Variants in MCF2 observed in about 807,000 individuals in gnomAD.
The protein encoded by MCF2 is MCF.2 cell line derived transforming sequence, also known as proto-oncogene DBL.
Under a neutral mutation model 82.5 loss-of-function variants are expected in MCF2, and 44 were observed. That is an observed-to-expected ratio of 0.53 (90% CI 0.42 to 0.69). The LOEUF (loss-of-function observed/expected upper bound fraction) is 0.69, where lower values mean the gene tolerates loss of function less well. MCF2 is among the 30% of genes least tolerant of loss of function. The pLI is 0.00. For missense variants in MCF2, 623 were observed against 663.1 expected, an observed-to-expected ratio of 0.94 and a Z score of 0.66; for synonymous variants, 217 against 224.9, an observed-to-expected ratio of 0.96 and a Z score of 0.32.
At chrX:139,623,496 G>A (rs1932559551) in intron 6 of MCF2, among the ~76,000 whole-genome samples, 2 of 111,689 alleles carry the variant, frequency 1.8e-5, no homozygotes, top group Admixed American at 1.9e-4. Context: ...AACACAGTAT[G>A]TTGTCACTTA....
exon 8 of MCF2, chrX:139,617,653 C>T: frequency 8.3e-7 from 1 of 1,202,365 alleles, no homozygotes; most frequent in Non-Finnish European, 1.1e-6. Context: ...TGGTGATTTG[C>T]TGCAAGCTTG....
Position 139,665,897 on chromosome X carries a change from G to GTATATATATATATATA in MCF2, c.-44-14125_-44-14110dup, listed in dbSNP as rs761065038. Among the ~76,000 whole-genome samples, 14 of 68,569 alleles carry GTATATATATATATATA rather than the reference G, an allele frequency of 2.0e-4. 1 individual carries two copies. The highest frequency in any genetic ancestry group is 3.1e-4 in the Non-Finnish European group (12 of 39,030). The allele number at this position is 68,569 out of a possible 115,157, so 59.5% of individuals were successfully genotyped here. ...TTATGGGTACATGGTAGGTGTGTGT[G>GTATATATATATATATA]TATATATATATATATATATATATAT... On this transcript the variant is annotated intron_variant, in intron 1 of 27. Transcript: ENST00000414978.
intron 2 of MCF2, 100 bp from the exon 6 acceptor site, chrX:139,631,611 C>T: frequency 1.9e-6 from 1 of 514,830 alleles, no homozygotes; most frequent in Non-Finnish European, 3.5e-6. Flanking sequence ...AGAAAGTTAC[C>T]TCTGATAAAT....
At chrX:139,640,373 A>G (rs1004211788) in intron 1 of MCF2, among the ~76,000 whole-genome samples, 2 of 111,517 alleles carry the variant, frequency 1.8e-5, no homozygotes, top group African/African-American at 6.5e-5. Flanking sequence ...CAACAGTATG[A>G]GCCACTTCCA....
intron 7 of MCF2, 145 bp from the exon 11 acceptor site, chrX:139,617,849 G>A: frequency 7.8e-6 from 2 of 257,869 alleles, no homozygotes; most frequent in African/African-American, 3.1e-5. Context: ...TCTTCAGGCT[G>A]CAAAAAAAAA....
intron 1 of MCF2, among the ~76,000 whole-genome samples, chrX:139,657,972 A>G (rs1373743654): frequency 8.9e-6 from 1 of 111,768 alleles, no homozygotes; most frequent in African/African-American, 3.3e-5. Flanking sequence ...GCTCTGTGGT[A>G]AAGAAAAGAG....
At chrX:139,637,578 G>C (rs952028202) in intron 1 of MCF2, among the ~76,000 whole-genome samples, 5 of 111,481 alleles carry the variant, frequency 4.5e-5, no homozygotes, top group African/African-American at 1.6e-4. Flanking sequence ...GGAGATTGGA[G>C]AGTTGGACAG....
intron 19 of MCF2, among the ~76,000 whole-genome samples, chrX:139,590,519 T>C (rs1603274168): frequency 1.0e-5 from 1 of 96,678 alleles, no homozygotes; most frequent in South Asian, 4.3e-4. Flanking sequence ...TGTCTTTTTG[T>C]ACCCAGTGAA....
chrX:139,620,849 G>T (rs1932297393), intron 6 of MCF2, among the ~76,000 whole-genome samples: 1 of 111,439 alleles, frequency 9.0e-6, no homozygotes, highest in Non-Finnish European at 1.9e-5. Flanking sequence ...CTTTTTCACA[G>T]AATTAGAAAA....
At chrX:139,646,953 G>T, upstream of MCF2, 1 of 700,206 alleles carries the variant, frequency 1.4e-6, no homozygotes, top group South Asian at 2.8e-5. Flanking sequence ...ATATAACAAC[G>T]AAGCAAGAAG....
At position 139,632,560 on chromosome X, in the gene MCF2, A is replaced by G. The variant is rs959097766; in HGVS notation, c.52-106T>C. 6 of 647,794 alleles carry G rather than the reference A, an allele frequency of 9.3e-6. No homozygotes were observed. In the South Asian group the frequency reaches 2.1e-4, roughly 22 times the overall value. 53.4% of individuals were successfully genotyped at this position (647,794 alleles called of 1,213,427 possible). Reference sequence around the variant, plus strand: ...ACTGAAGGAAACAAATTTTAAATTCATAAAAGCCAGTAAAAGGCCAACACT... The same window carrying G: ...ACTGAAGGAAACAAATTTTAAATTCGTAAAAGCCAGTAAAAGGCCAACACT... On this transcript the variant is annotated intron_variant, in intron 1 of 24. Transcript: ENST00000370576.
intron 6 of MCF2, among the ~76,000 whole-genome samples, chrX:139,625,595 T>C (rs143030387): frequency 0.01 from 1,120 of 111,634 alleles, 12 homozygotes; most frequent in African/African-American, 0.036. Flanking sequence ...GTGAAGTATA[T>C]ACTGTGAGAG....
chrX:139,700,044 T>C (rs1935458600), intron 1 of MCF2, among the ~76,000 whole-genome samples: 1 of 111,330 alleles, frequency 9.0e-6, no homozygotes, highest in African/African-American at 3.3e-5. Context: ...TCTTTCAGAG[T>C]CTGTTTGTGT....
chrX:139,608,049 A>AT (rs1163937038), intron 11 of MCF2, among the ~76,000 whole-genome samples: 1 of 112,120 alleles, frequency 8.9e-6, no homozygotes, highest in Non-Finnish European at 1.9e-5. Context: ...AGGTTGATTC[A>AT]TAAAAAGTTA....
chrX:139,625,014 G>C (rs1932678053), intron 6 of MCF2, among the ~76,000 whole-genome samples: 2 of 110,483 alleles, frequency 1.8e-5, no homozygotes, highest in Admixed American at 1.9e-4. Flanking sequence ...AAGGTATATG[G>C]GTATTTTTAT....
chrX:139,664,146 A>C (rs1275065869), intron 1 of MCF2, among the ~76,000 whole-genome samples: 1 of 110,344 alleles, frequency 9.1e-6, no homozygotes, highest in African/African-American at 3.3e-5. Flanking sequence ...CTGGGACTAC[A>C]GGCACAAGCC....
At chrX:139,653,781 TC>T (rs781507371) in intron 1 of MCF2, among the ~76,000 whole-genome samples, 324 of 111,233 alleles carry the variant, frequency 2.9e-3, no homozygotes, top group African/African-American at 0.01. Flanking sequence ...CATTCTTTTT[TC>T]CCCTTCATCC....
At chrX:139,672,373 G>T (rs1386924492) in intron 1 of MCF2, among the ~76,000 whole-genome samples, 1 of 112,456 alleles carries the variant, frequency 8.9e-6, no homozygotes, top group African/African-American at 3.2e-5. Flanking sequence ...TGGTGAGAGG[G>T]GGCACCCCTG....
chrX:139,651,185 G>C (rs1036334394), intron 2 of MCF2, among the ~76,000 whole-genome samples: 7 of 110,675 alleles, frequency 6.3e-5, no homozygotes, highest in Admixed American at 5.8e-4. Flanking sequence ...AAAATGATAA[G>C]TTGTATGTTA....
Sources: gnomAD v4.1 joint callset for allele counts (sites outside exome capture counted in the v4.1 genomes callset) on GRCh38, gnomAD v4.1.1 for gene constraint, MANE v1.5 for transcripts, NCBI Gene and HGNC (gene_info 2026-07-23, HGNC 2026-07-21) for gene names.